The following ITGA1 variants were observed in gnomAD, a reference collection of about 807,000 sequenced individuals.
ITGA1 encodes the protein integrin alpha-1.
Under a neutral mutation model 145.9 loss-of-function variants are expected in ITGA1, and 85 were observed. The observed-to-expected ratio is 0.58, with a 90% confidence interval of 0.49 to 0.70. The LOEUF (loss-of-function observed/expected upper bound fraction) is 0.70, where lower values mean the gene tolerates loss of function less well. ITGA1 is among the 30% of genes least tolerant of loss of function. The pLI is 0.00. For synonymous variants in ITGA1, 520 were observed against 495.3 expected (o/e 1.05, Z -0.66); for missense variants, 1,351 against 1,418.7 (o/e 0.95, Z 0.77).
At chr5:52,872,510 G>T (rs1262821217) in intron 6 of ITGA1, among the ~76,000 whole-genome samples, 1 of 149,694 alleles carries the variant, frequency 6.7e-6, no homozygotes, top group African/African-American at 2.4e-5. Flanking sequence ...GGACTAACTG[G>T]CATCTGACCA....
intron 8 of ITGA1, among the ~76,000 whole-genome samples, chr5:52,892,058 G>C (rs975631330): frequency 6.6e-6 from 1 of 151,592 alleles, no homozygotes; most frequent in Non-Finnish European, 1.5e-5. Flanking sequence ...ACAATCTACA[G>C]ACGGGAAGAA....
At chr5:52,843,249 TTAAAAATAA>T (rs1307929178) in intron 1 of ITGA1, among the ~76,000 whole-genome samples, 9 of 152,294 alleles carry the variant, frequency 5.9e-5, no homozygotes, top group African/African-American at 2.2e-4. Context: ...ATTCCTTATG[TTAAAAATAA>T]TAAAAATAAT....
intron 2 of ITGA1, among the ~76,000 whole-genome samples, 160 bp downstream of exon 2, chr5:52,849,645 T>TAAA: frequency 6.8e-6 from 1 of 147,386 alleles, no homozygotes; most frequent in Non-Finnish European, 1.5e-5. Context: ...TAACTTAAAG[T>TAAA]AAAAAAAAAA....
chr5:52,893,638 T>C, intron 8 of ITGA1, 37 bp from the exon 9 acceptor site: 2 of 1,578,272 alleles, frequency 1.3e-6, no homozygotes, highest in Non-Finnish European at 1.7e-6. Context: ...ACACATAGAA[T>C]TTAAAATATA....
At chr5:52,930,523 A>T (rs1233186479) in intron 21 of ITGA1, among the ~76,000 whole-genome samples, 1 of 152,138 alleles carries the variant, frequency 6.6e-6, no homozygotes, top group Non-Finnish European at 1.5e-5. Flanking sequence ...AATTATTGTA[A>T]CCTGGGATAG....
intron 8 of ITGA1, among the ~76,000 whole-genome samples, chr5:52,891,663 GT>G (rs1391540231): frequency 2.9e-5 from 4 of 138,708 alleles, no homozygotes; most frequent in African/African-American, 7.8e-5. Context: ...TTATTATAAA[GT>G]TTTAAAAAAA....
chr5:52,859,536 G>A (rs1385066383), intron 2 of ITGA1, among the ~76,000 whole-genome samples: 2 of 152,068 alleles, frequency 1.3e-5, no homozygotes, highest in Non-Finnish European at 2.9e-5. Context: ...ATTTACAATT[G>A]TTTTATAAAA....
At chr5:52,914,669 G>A (rs923177263) in intron 14 of ITGA1, among the ~76,000 whole-genome samples, 24 of 151,932 alleles carry the variant, frequency 1.6e-4, no homozygotes, top group African/African-American at 5.6e-4. Context: ...TTTCCATTTG[G>A]TTTGCCTTAG....
At chr5:52,812,062 C>A (rs1020679096) in intron 1 of ITGA1, among the ~76,000 whole-genome samples, 5 of 152,208 alleles carry the variant, frequency 3.3e-5, no homozygotes, top group Non-Finnish European at 7.3e-5. Flanking sequence ...GGACTATTAG[C>A]TTTAATGTGT....
intron 2 of ITGA1, among the ~76,000 whole-genome samples, chr5:52,851,022 C>T (rs139491187): frequency 6.6e-6 from 1 of 152,246 alleles, no homozygotes; most frequent in African/African-American, 2.4e-5. Flanking sequence ...TTTACATAAA[C>T]ACATATAAAA....
In ITGA1 at chr5:52,860,511, A is replaced by T. The variant is rs140772902; in HGVS notation, c.183-936A>T. ...CAGTGGGCCAAGGTCATGCCACTGC[A>T]CTCCAGTCTGGCAACAGAGCGAGAC... On this transcript the variant is annotated intron_variant, in intron 2 of 28. Transcript: ENST00000282588. 7.8e-3 allele frequency among the ~76,000 whole-genome samples: 1,185 copies of T among 152,332 alleles called. 10 individuals are homozygous for T. Among genetic ancestry groups the T allele is most frequent in the Non-Finnish European group, 8.2e-3 (556 of 68,030 alleles).
chr5:52,904,977 A>G (rs534780606), intron 11 of ITGA1: 17 of 152,296 alleles, frequency 1.1e-4, no homozygotes, highest in African/African-American at 3.6e-4. Flanking sequence ...ACCTATTAAA[A>G]CATACACAAA....
chr5:52,806,201 A>C (rs943458704), intron 1 of ITGA1, among the ~76,000 whole-genome samples: 52 of 132,798 alleles, frequency 3.9e-4, no homozygotes, highest in African/African-American at 1.4e-3. Context: ...AATTGAATTG[A>C]TTTAGAAATT....
At chr5:52,891,113 T>A (rs1271190547) in intron 8 of ITGA1, among the ~76,000 whole-genome samples, 2 of 152,296 alleles carry the variant, frequency 1.3e-5, no homozygotes, top group South Asian at 2.1e-4. Context: ...CATGTTTTTT[T>A]AAATCCATTC....
At position 52,883,802 on chromosome 5, in the gene ITGA1, T is replaced by G. The variant is rs763090596; in HGVS notation, c.773+1781T>G. The stretch of plus-strand genomic sequence containing the variant: ...AATGCTTAGTGCCAAGAAAGGACAC[T>G]GGATACTGGTACTTTGAGGACAATG... On this transcript the variant is annotated intron_variant, in intron 7 of 28. Transcript: ENST00000282588. Among the ~76,000 whole-genome samples the G allele has an allele frequency of 5.3e-4, 81 of 152,214 alleles. 2 individuals are homozygous for G. The highest frequency in any genetic ancestry group is 3.4e-3 in the Admixed American group (52 of 15,284).
At chr5:52,839,549 T>A (rs1456361129) in intron 1 of ITGA1, among the ~76,000 whole-genome samples, 1 of 152,214 alleles carries the variant, frequency 6.6e-6, no homozygotes, top group Non-Finnish European at 1.5e-5. Context: ...CTATGTACTC[T>A]GTCCATTCAT....
intron 2 of ITGA1, among the ~76,000 whole-genome samples, chr5:52,850,956 G>A (rs964541701): frequency 6.6e-6 from 1 of 152,178 alleles, no homozygotes; most frequent in East Asian, 1.9e-4. Flanking sequence ...GTCAGACTTT[G>A]TGCGTAAGCT....
chr5:52,923,372 C>T (rs2035235), intron 18 of ITGA1, among the ~76,000 whole-genome samples: 69,442 of 151,896 alleles, frequency 0.46, 16,714 homozygotes, highest in Non-Finnish European at 0.53. Context: ...TCCTGAAGCT[C>T]CCAGGCCGTC....
intron 26 of ITGA1, among the ~76,000 whole-genome samples, chr5:52,940,270 T>C (rs1196436781): frequency 6.6e-6 from 1 of 152,230 alleles, no homozygotes; most frequent in South Asian, 2.1e-4. Flanking sequence ...ACTCAGTTAA[T>C]GTACAGAGTA....
Sources: gnomAD v4.1 joint callset for allele counts (sites outside exome capture counted in the v4.1 genomes callset) on GRCh38, gnomAD v4.1.1 for gene constraint, MANE v1.5 for transcripts, NCBI Gene and HGNC (gene_info 2026-07-23, HGNC 2026-07-21) for gene names.